Variants in BCAS3 observed in about 807,000 individuals in gnomAD.
BCAS3 encodes the protein BCAS4/BCAS3 fusion.
In BCAS3, 53 loss-of-function variants were observed where a neutral mutation model predicts 116.1. The observed-to-expected ratio is 0.46, with a 90% CI of 0.37 to 0.57. BCAS3 has a LOEUF of 0.57. Ranked by LOEUF, BCAS3 falls within the 20% of genes least tolerant of loss-of-function variation. The probability of loss-of-function intolerance (pLI) is 0.00; values close to 1 mark genes in which losing one functional copy is unlikely to be tolerated. For synonymous variants in BCAS3, 391 were observed against 408.2 expected (o/e 0.96, Z 0.51); for missense variants, 917 against 1,165.4 (o/e 0.79, Z 3.10).
At position 61,074,447 on chromosome 17, in the gene BCAS3, C is replaced by A. The variant is rs1209870826; in HGVS notation, c.2030-473C>A. Reference sequence around the variant, plus strand: ...CTGTTGTAATTTGACTATGTCATACCACTTAAGAATCATGAAAACTACTCA... The same window carrying A: ...CTGTTGTAATTTGACTATGTCATACAACTTAAGAATCATGAAAACTACTCA... On this transcript the variant is annotated intron_variant, in intron 19 of 23. Coordinates refer to ENST00000407086, the MANE Select transcript of BCAS3 (RefSeq NM_017679.5). Among the ~76,000 whole-genome samples, 3 of 152,016 alleles carry A rather than the reference C, an allele frequency of 2.0e-5. No individual in the cohort carries two copies. In the East Asian group the frequency reaches 5.8e-4, roughly 29 times the overall value.
intron 9 of BCAS3, among the ~76,000 whole-genome samples, chr17:60,889,087 T>C (rs1015945410): frequency 6.6e-6 from 1 of 152,210 alleles, no homozygotes; most frequent in African/African-American, 2.4e-5. Flanking sequence ...ATATATGTCA[T>C]AGAACAATTA....
chr17:60,807,824 C>T (rs1049139431), intron 6 of BCAS3, among the ~76,000 whole-genome samples, 180 bp from the exon 7 acceptor site: 2 of 151,012 alleles, frequency 1.3e-5, no homozygotes, highest in Non-Finnish European at 2.9e-5. Context: ...AAAATGATTA[C>T]ATATATATAA....
intron 13 of BCAS3, among the ~76,000 whole-genome samples, chr17:60,929,275 A>T (rs1204603936): frequency 6.6e-6 from 1 of 152,070 alleles, no homozygotes; most frequent in Non-Finnish European, 1.5e-5. Flanking sequence ...ATTTTAAAAA[A>T]TTACCTGGGC....
chr17:61,268,416 G>T (rs1472281159), intron 22 of BCAS3, among the ~76,000 whole-genome samples: 1 of 151,488 alleles, frequency 6.6e-6, no homozygotes, highest in Admixed American at 6.6e-5. Flanking sequence ...TTTTTAAATT[G>T]TCATATAAAA....
At chr17:61,042,275 G>C (rs1319421286) in intron 19 of BCAS3, among the ~76,000 whole-genome samples, 1 of 152,026 alleles carries the variant, frequency 6.6e-6, no homozygotes, top group Non-Finnish European at 1.5e-5. Context: ...CTCTTTCAGA[G>C]TTAATATTGT....
In BCAS3 at chr17:61,324,276, A is replaced by G. The variant is rs1231939867; in HGVS notation, c.2426-44051A>G. Among the ~76,000 whole-genome samples the G allele has an allele frequency of 6.6e-6, 1 of 152,158 alleles. No homozygotes were observed. The highest frequency in any genetic ancestry group is 1.5e-5 in the Non-Finnish European group (1 of 68,026). ...AGACCCTACCTCCTTTATCATACAC[A>G]TTGATGAAACTGAAGCCTAGAGCTA... On this transcript the variant is annotated intron_variant, in intron 22 of 23. Transcript: ENST00000407086. The surrounding 1 kb of genome is among the most constrained non-coding windows in gnomAD (Gnocchi z 4.6).
intron 9 of BCAS3, among the ~76,000 whole-genome samples, chr17:60,880,281 T>A (rs577878219): frequency 4.8e-4 from 71 of 149,014 alleles, no homozygotes; most frequent in Non-Finnish European, 9.0e-4. Context: ...TTTTTTTTTT[T>A]ATTGTTGTTG....
In BCAS3 at chr17:61,183,243, A is replaced by G. The variant is rs1013817578; in HGVS notation, c.2425+98679A>G. 4.6e-5 allele frequency among the ~76,000 whole-genome samples: 7 copies of G among 152,118 alleles called. No individual in the cohort carries two copies. In the South Asian group the frequency reaches 6.2e-4, roughly 14 times the overall value. The stretch of plus-strand genomic sequence containing the variant: ...TTTAAAATTTGCCATTTTGTTTGTC[A>G]GTTACCAAATTGTCCACTCTGGGAA... On this transcript the variant is annotated intron_variant, in intron 22 of 23. Coordinates refer to ENST00000407086, the MANE Select transcript of BCAS3 (RefSeq NM_017679.5).
chr17:60,858,069 T>C (rs1308423382), intron 7 of BCAS3, among the ~76,000 whole-genome samples: 1 of 152,064 alleles, frequency 6.6e-6, no homozygotes, highest in African/African-American at 2.4e-5. Flanking sequence ...CCCCTCCTAG[T>C]TGGTCAGGCA....
chr17:61,079,932 C>T (rs1379868518), intron 21 of BCAS3, among the ~76,000 whole-genome samples: 15 of 140,068 alleles, frequency 1.1e-4, no homozygotes, highest in Non-Finnish European at 1.5e-4. Flanking sequence ...CACTCTGTCA[C>T]CTGGGCTGGA....
At position 61,065,463 on chromosome 17, in the gene BCAS3, C is replaced by G. The variant is rs921624850; in HGVS notation, c.2030-9457C>G. On this transcript the variant is annotated intron_variant, in intron 19 of 23. Transcript: ENST00000407086. The surrounding 1 kb of genome is among the most constrained non-coding windows in gnomAD (Gnocchi z 4.8). Reference sequence around the variant, plus strand: ...GCACCAAAAATATATTGAGGTTTGTCCTTGGGAGAGAGTTTATCACTGTTG... The same window carrying G: ...GCACCAAAAATATATTGAGGTTTGTGCTTGGGAGAGAGTTTATCACTGTTG... 6.6e-6 allele frequency among the ~76,000 whole-genome samples: 1 copy of G among 152,112 alleles called. No homozygotes were observed. The highest frequency in any genetic ancestry group is 1.5e-5 in the Non-Finnish European group (1 of 68,020).
At chr17:60,947,163 A>T in intron 13 of BCAS3, 56 bp from the exon 14 acceptor site, 1 of 1,503,162 alleles carries the variant, frequency 6.7e-7, no homozygotes, top group Non-Finnish European at 9.1e-7. Flanking sequence ...TTTTTAGAAT[A>T]TTTCATCCAC....
chr17:60,721,616 T>C (rs923035867), intron 5 of BCAS3, among the ~76,000 whole-genome samples: 1 of 152,186 alleles, frequency 6.6e-6, no homozygotes, highest in Admixed American at 6.6e-5. Flanking sequence ...TGAGATCTTT[T>C]TGATGATTTT....
chr17:60,710,689 C>T (rs2037792856), intron 5 of BCAS3, among the ~76,000 whole-genome samples: 1 of 151,996 alleles, frequency 6.6e-6, no homozygotes, highest in Admixed American at 6.6e-5. Context: ...CCTTGGCCTC[C>T]CAAAGTGCTG....
intron 22 of BCAS3, among the ~76,000 whole-genome samples, chr17:61,150,711 A>G (rs1282238791): frequency 6.6e-6 from 1 of 152,194 alleles, no homozygotes; most frequent in Non-Finnish European, 1.5e-5. Context: ...GGTTGCTGGT[A>G]TGTTAGAGTT....
intron 14 of BCAS3, among the ~76,000 whole-genome samples, chr17:60,954,558 C>T (rs1189596114): frequency 1.3e-5 from 2 of 152,150 alleles, no homozygotes; most frequent in African/African-American, 4.8e-5. Context: ...CACCATTTAA[C>T]ATTTTACCCA....
intron 8 of BCAS3, among the ~76,000 whole-genome samples, chr17:60,869,916 C>A (rs2054946281): frequency 6.6e-6 from 1 of 152,138 alleles, no homozygotes; most frequent in African/African-American, 2.4e-5. Context: ...CATAAATATA[C>A]TAGAAGTCAA....
At chr17:61,167,580 A>G (rs2078587836) in intron 22 of BCAS3, among the ~76,000 whole-genome samples, 1 of 152,232 alleles carries the variant, frequency 6.6e-6, no homozygotes, top group Non-Finnish European at 1.5e-5. Context: ...GACATTAGGC[A>G]CTAGGTACTA....
At chr17:60,776,199 G>A (rs1255429026) in intron 6 of BCAS3, among the ~76,000 whole-genome samples, 1 of 152,082 alleles carries the variant, frequency 6.6e-6, no homozygotes, top group Admixed American at 6.5e-5. Flanking sequence ...TAACAGTATT[G>A]ACTCAGTTTT....
Sources: gnomAD v4.1 joint callset for allele counts (sites outside exome capture counted in the v4.1 genomes callset) on GRCh38, gnomAD v4.1.1 for gene constraint, Gnocchi (gnomAD v3.1) non-coding constraint, MANE v1.5 for transcripts, NCBI Gene and HGNC (gene_info 2026-07-23, HGNC 2026-07-21) for gene names.